The following LCMT1 variants were observed in gnomAD, a reference collection of about 807,000 sequenced individuals.
LCMT1 encodes [Phosphatase 2A protein]-leucine-carboxy methyltransferase 1.
Under a neutral mutation model 47.7 loss-of-function variants are expected in LCMT1, and 32 were observed. That is an observed-to-expected ratio of 0.67 (90% confidence interval 0.51 to 0.90). LCMT1 has a LOEUF of 0.90. LCMT1 is among the 40% of genes least tolerant of loss of function. The pLI is 0.00. For synonymous variants in LCMT1, 152 were observed against 149.7 expected (o/e 1.02, Z -0.11); for missense variants, 375 against 415.2 (o/e 0.90, Z 0.84).
At chr16:25,140,346 G>T in intron 4 of LCMT1, 99 bp downstream of exon 4, 1 of 912,038 alleles carries the variant, frequency 1.1e-6, no homozygotes, top group Admixed American at 2.2e-5. Context: ...ACTTTAGGGT[G>T]TTGCCTTCCG....
At chr16:25,118,847 G>T (rs1039279497) in intron 1 of LCMT1, among the ~76,000 whole-genome samples, 37 of 152,080 alleles carry the variant, frequency 2.4e-4, no homozygotes, top group African/African-American at 8.7e-4. Context: ...GAGAGCATGG[G>T]TGCAGGAGGC....
Position 25,151,134 on chromosome 16 carries a change from A to G in LCMT1, c.405-420A>G, listed in dbSNP as rs184883037. The stretch of plus-strand genomic sequence containing the variant: ...GAACTTCAAGTTTGTGTAAGAGTCA[A>G]TTCTTCTGGCTACCTGTTACAAATA... On this transcript the variant is annotated intron_variant, in intron 4 of 10. Transcript: ENST00000399069. Among the ~76,000 whole-genome samples the G allele has an allele frequency of 2.6e-5, 4 of 152,338 alleles. No homozygotes were observed. In the East Asian group the frequency reaches 7.7e-4, roughly 29 times the overall value.
intron 5 of LCMT1, among the ~76,000 whole-genome samples, chr16:25,158,237 C>T (rs1018347703): frequency 2.3e-4 from 35 of 152,278 alleles, no homozygotes; most frequent in African/African-American, 5.3e-4. Context: ...TTGCAACCTC[C>T]GCCTCCTGGG....
intron 1 of LCMT1, among the ~76,000 whole-genome samples, chr16:25,119,469 C>T (rs917189303): frequency 2.0e-5 from 3 of 151,948 alleles, no homozygotes; most frequent in East Asian, 1.9e-4. Flanking sequence ...GGGAACTGAG[C>T]GCACATGTTC....
At chr16:25,171,853 A>G (rs1346868601) in intron 9 of LCMT1, among the ~76,000 whole-genome samples, 3 of 152,222 alleles carry the variant, frequency 2.0e-5, no homozygotes, top group Non-Finnish European at 2.9e-5. Context: ...TTCTTTTCCT[A>G]CATAGATAGA....
intron 1 of LCMT1, among the ~76,000 whole-genome samples, chr16:25,124,357 A>G (rs954339379): frequency 6.6e-6 from 1 of 152,236 alleles, no homozygotes; most frequent in Non-Finnish European, 1.5e-5. Flanking sequence ...ACAAGTGTGT[A>G]TGGGGGGCAG....
At position 25,111,976 on chromosome 16, in the gene LCMT1, A is replaced by G. The variant is rs538937140; in HGVS notation, c.93A>G (p.Glu31=). Residue 31 remains glutamate, a synonymous_variant, in exon 1 of 11, where the codon GAA becomes GAG. Coordinates refer to ENST00000399069, the MANE Select transcript of LCMT1 (RefSeq NM_016309.3). ...ADDEGVRGTC[E]DASLCKRFAV... Reference sequence around the variant, plus strand: ...ACGAGGGCGTGCGCGGCACCTGCGAAGATGCTTCCCTGTGCAAGAGGTGCC... The same window carrying G: ...ACGAGGGCGTGCGCGGCACCTGCGAGGATGCTTCCCTGTGCAAGAGGTGCC... 1.4e-5 allele frequency: 22 copies of G among 1,613,254 alleles called. No individual in the cohort carries two copies. In the South Asian group the frequency reaches 2.0e-4, roughly 14 times the overall value.
intron 10 of LCMT1, among the ~76,000 whole-genome samples, chr16:25,175,520 T>C (rs1961905206): frequency 6.6e-6 from 1 of 151,330 alleles, no homozygotes; most frequent in Non-Finnish European, 1.5e-5. Context: ...TAATCCCAGC[T>C]ACTTGGGAGG....
At position 25,111,881 on chromosome 16, in the gene LCMT1, C is replaced by A. The variant is rs1486151813; in HGVS notation, c.-3C>A. On this transcript the variant is annotated 5_prime_UTR_variant, in exon 1 of 11. Transcript: ENST00000399069. ...GACACAGCTCCCAGGAACCTCCACG[C>A]CCATGGCCACTAGGCAGAGGGAATC... The A allele has an allele frequency of 6.2e-7, 1 of 1,606,422 alleles. No individual in the cohort carries two copies. The highest frequency in any genetic ancestry group is 8.5e-7 in the Non-Finnish European group (1 of 1,174,058).
At chr16:25,113,448 C>T (rs1016599294) in intron 1 of LCMT1, among the ~76,000 whole-genome samples, 2 of 152,174 alleles carry the variant, frequency 1.3e-5, no homozygotes, top group African/African-American at 4.8e-5. Flanking sequence ...TTTTCTGTGG[C>T]TCAGTTTCCT....
chr16:25,133,537 TAC>T (rs1960416728), intron 3 of LCMT1, among the ~76,000 whole-genome samples: 1 of 151,460 alleles, frequency 6.6e-6, no homozygotes, highest in African/African-American at 2.4e-5. Flanking sequence ...TAGCTTGGAC[TAC>T]AGGTGCACAC....
chr16:25,157,449 G>A (rs575057443), intron 5 of LCMT1, among the ~76,000 whole-genome samples: 134 of 152,028 alleles, frequency 8.8e-4, no homozygotes, highest in Non-Finnish European at 1.6e-3. Flanking sequence ...CAGCTACACA[G>A]GAAGCTGAGG....
intron 10 of LCMT1, 114 bp downstream of exon 10, chr16:25,175,148 C>A (rs954796455): frequency 4.7e-6 from 3 of 635,178 alleles, no homozygotes; most frequent in Non-Finnish European, 8.3e-6. Flanking sequence ...TCTGTCCCTT[C>A]TTTCTTGTTT....
intron 7 of LCMT1, among the ~76,000 whole-genome samples, chr16:25,165,060 G>C (rs940915696): frequency 6.6e-6 from 1 of 152,016 alleles, no homozygotes; most frequent in Non-Finnish European, 1.5e-5. Flanking sequence ...CAGGCAGGTG[G>C]GGTCAGTGGA....
chr16:25,172,226 G>GAA (rs1175591037), intron 9 of LCMT1, among the ~76,000 whole-genome samples: 6 of 151,626 alleles, frequency 4.0e-5, no homozygotes, highest in Admixed American at 3.9e-4. Context: ...AGAATTGCTT[G>GAA]AACCTGGGAG....
chr16:25,125,233 C>G (rs943128754), intron 1 of LCMT1, among the ~76,000 whole-genome samples: 3 of 152,150 alleles, frequency 2.0e-5, no homozygotes, highest in African/African-American at 7.2e-5. Flanking sequence ...TGTGGGCAGC[C>G]TTGCATGTGT....
chr16:25,159,475 C>T, intron 5 of LCMT1, among the ~76,000 whole-genome samples: 1 of 152,192 alleles, frequency 6.6e-6, no homozygotes, highest in African/African-American at 2.4e-5. Context: ...CTGTGTTGCC[C>T]AGGGTGGTCT....
chr16:25,161,235 A>T, intron 6 of LCMT1, 31 bp downstream of exon 6: 1 of 1,244,474 alleles, frequency 8.0e-7, no homozygotes. Context: ...CCTCTTCTGC[A>T]TTTGTGATTT....
chr16:25,172,927 A>G (rs1209218159), intron 9 of LCMT1, among the ~76,000 whole-genome samples: 1 of 152,230 alleles, frequency 6.6e-6, no homozygotes, highest in African/African-American at 2.4e-5. Flanking sequence ...AACCACAAGG[A>G]AAGTCTCTTG....
Sources: allele counts gnomAD v4.1 joint callset (sites outside exome capture counted in the v4.1 genomes callset), GRCh38; gene constraint gnomAD v4.1.1; transcripts MANE v1.5; gene names NCBI Gene and HGNC (gene_info 2026-07-23, HGNC 2026-07-21).